The following LRMDA variants were observed in gnomAD, a reference collection of about 807,000 sequenced individuals.
LRMDA encodes leucine-rich melanocyte differentiation-associated protein.
A neutral mutation model predicts 29.8 loss-of-function variants in LRMDA; 18 were observed. The ratio of observed to expected loss-of-function variants is 0.60; its 90% CI spans 0.42 to 0.90. The LOEUF (loss-of-function observed/expected upper bound fraction) is 0.90. Ranked by LOEUF, LRMDA falls within the 40% of genes least tolerant of loss-of-function variation. The probability of loss-of-function intolerance (pLI) is 0.00; values close to 1 mark genes in which losing one functional copy is unlikely to be tolerated. For missense variants in LRMDA, 273 were observed against 273.9 expected (o/e 1.00, Z 0.02); for synonymous variants, 125 against 109.4 (o/e 1.14, Z -0.89).
At chr10:75,861,708 T>TATCCC (rs1844933272) in intron 2 of LRMDA, among the ~76,000 whole-genome samples, 3 of 152,138 alleles carry the variant, frequency 2.0e-5, no homozygotes, top group African/African-American at 7.2e-5. Context: ...AGAGGGAAGG[T>TATCCC]GCTAGTTATG....
At chr10:76,204,433 T>A (rs1218886929) in intron 5 of LRMDA, among the ~76,000 whole-genome samples, 2 of 152,248 alleles carry the variant, frequency 1.3e-5, no homozygotes, top group Non-Finnish European at 2.9e-5. Flanking sequence ...CACCCACATA[T>A]CCACTACCTT....
intron 2 of LRMDA, among the ~76,000 whole-genome samples, chr10:75,844,684 C>T (rs1844602918): frequency 1.3e-5 from 2 of 152,226 alleles, no homozygotes; most frequent in African/African-American, 4.8e-5. Flanking sequence ...TCGCACTACT[C>T]TCCTAAAATG....
At chr10:75,738,132 T>C (rs1408638943) in intron 2 of LRMDA, among the ~76,000 whole-genome samples, 2 of 152,204 alleles carry the variant, frequency 1.3e-5, no homozygotes, top group African/African-American at 4.8e-5. Flanking sequence ...CAAGTGTCCC[T>C]GCCCTCTAAC....
At chr10:75,714,206 AG>A (rs1260581474) in intron 2 of LRMDA, among the ~76,000 whole-genome samples, 1 of 152,178 alleles carries the variant, frequency 6.6e-6, no homozygotes, top group Non-Finnish European at 1.5e-5. Context: ...GAAATTAATA[AG>A]TTATCTATTG....
At chr10:76,505,998 TGCCCC>T (rs1842955883) in intron 6 of LRMDA, among the ~76,000 whole-genome samples, 1 of 152,154 alleles carries the variant, frequency 6.6e-6, no homozygotes. Flanking sequence ...GCTGGATTTT[TGCCCC>T]TTCTCTAGGA....
chr10:75,806,093 CAG>C (rs1843846721), intron 2 of LRMDA, among the ~76,000 whole-genome samples: 1 of 152,088 alleles, frequency 6.6e-6, no homozygotes, highest in South Asian at 2.1e-4. Context: ...CAGGGAAAGA[CAG>C]AGAGGCAGGG....
chr10:75,696,386 T>G (rs960709079), intron 2 of LRMDA, among the ~76,000 whole-genome samples: 1 of 152,202 alleles, frequency 6.6e-6, no homozygotes, highest in Non-Finnish European at 1.5e-5. Flanking sequence ...GCATTGGCAA[T>G]TAAATGTGCC....
intron 2 of LRMDA, among the ~76,000 whole-genome samples, chr10:75,599,647 GC>G (rs1840855359): frequency 6.6e-6 from 1 of 152,210 alleles, no homozygotes. Flanking sequence ...AAGCTGCGCT[GC>G]CCAGCAGACC....
chr10:75,655,336 C>T (rs1841654960), intron 2 of LRMDA, among the ~76,000 whole-genome samples: 1 of 152,240 alleles, frequency 6.6e-6, no homozygotes, highest in Non-Finnish European at 1.5e-5. Flanking sequence ...CACTTCTAAA[C>T]AGTGAAGCAC....
Position 76,557,327 on chromosome 10 carries a change from A to AAAATCAAAAGGG in LRMDA, c.*49_*60dup. The AAAATCAAAAGGG allele has an allele frequency of 3.3e-6, 5 of 1,495,262 alleles. No individual in the cohort carries two copies. The highest frequency in any genetic ancestry group is 4.6e-6 in the Non-Finnish European group (5 of 1,076,424). The allele number at this position is 1,495,262 out of a possible 1,614,324, so 92.6% of individuals were successfully genotyped here. A position where few individuals can be genotyped will look rare whatever the true frequency, so the allele number is the denominator to read the frequency against. ...ATACCTTCACCCATTTCATGAAAAT[A>AAAATCAAAAGGG]AAATCAAAAGGGAAATCAAAAATAA... On this transcript the variant is annotated 3_prime_UTR_variant, in exon 7 of 7. Coordinates refer to ENST00000611255, the MANE Select transcript of LRMDA (RefSeq NM_001305581.2).
At chr10:75,996,818 C>T (rs1333637701) in intron 2 of LRMDA, among the ~76,000 whole-genome samples, 5 of 151,260 alleles carry the variant, frequency 3.3e-5, no homozygotes, top group African/African-American at 7.3e-5. Context: ...CTGCAAGCTC[C>T]GCCTCCTGGG....
intron 4 of LRMDA, among the ~76,000 whole-genome samples, chr10:76,054,324 G>A (rs1848575417): frequency 6.6e-6 from 1 of 152,020 alleles, no homozygotes; most frequent in African/African-American, 2.4e-5. Flanking sequence ...CATTTCAGGG[G>A]GTGACTGGCA....
At chr10:75,823,505 A>C (rs1450995261) in intron 2 of LRMDA, among the ~76,000 whole-genome samples, 2 of 152,146 alleles carry the variant, frequency 1.3e-5, no homozygotes, top group African/African-American at 4.8e-5. Flanking sequence ...GGGAATTCCC[A>C]CTCATACACC....
chr10:76,396,734 G>A (rs1841788581), intron 6 of LRMDA: 1 of 152,198 alleles, frequency 6.6e-6, no homozygotes, highest in African/African-American at 2.4e-5. Context: ...CAAGAAGGAA[G>A]GTATGGGGTA....
chr10:76,185,137 CACAA>C (rs1851124411), intron 5 of LRMDA, among the ~76,000 whole-genome samples: 1 of 152,276 alleles, frequency 6.6e-6, no homozygotes, highest in Non-Finnish European at 1.5e-5. Context: ...TTTAAGCACA[CACAA>C]AATGGACAAT....
At chr10:75,611,010 C>T (rs1841023849) in intron 2 of LRMDA, among the ~76,000 whole-genome samples, 1 of 152,074 alleles carries the variant, frequency 6.6e-6, no homozygotes, top group African/African-American at 2.4e-5. Flanking sequence ...TGCCTCTACT[C>T]TTACAGGGTT....
intron 2 of LRMDA, among the ~76,000 whole-genome samples, chr10:75,647,025 C>T (rs1564530148): frequency 6.6e-6 from 1 of 152,136 alleles, no homozygotes; most frequent in African/African-American, 2.4e-5. Context: ...TCTCACAGCT[C>T]AGAGAGCAAA....
intron 5 of LRMDA, among the ~76,000 whole-genome samples, chr10:76,102,803 C>G (rs1207575626): frequency 6.6e-6 from 1 of 152,072 alleles, no homozygotes; most frequent in Non-Finnish European, 1.5e-5. Flanking sequence ...TAGGTGTGCA[C>G]CACCATGCCT....
Position 76,077,992 on chromosome 10 carries a change from A to ATTTTTTTT in LRMDA, c.516+19238_516+19245dup, listed in dbSNP as rs756023731. Among the ~76,000 whole-genome samples, 14 of 48,082 alleles carry ATTTTTTTT rather than the reference A, an allele frequency of 2.9e-4. 5 individuals carry two copies. The highest frequency in any genetic ancestry group is 6.5e-4 in the Admixed American group (2 of 3,064). The allele number at this position is 48,082 out of a possible 152,430, so 31.5% of individuals were successfully genotyped here. On this transcript the variant is annotated intron_variant, in intron 5 of 6. Transcript: ENST00000611255. ...TCCTACCCCTAACTGCAATATTAAC[A>ATTTTTTTT]TTTTTTTTTTTTTTTTTTTTTTTTT...
Sources: allele counts gnomAD v4.1 joint callset (sites outside exome capture counted in the v4.1 genomes callset), GRCh38; gene constraint gnomAD v4.1.1; transcripts MANE v1.5; gene names NCBI Gene and HGNC (gene_info 2026-07-23, HGNC 2026-07-21).